The following VWA5B1 variants were observed in gnomAD, a reference collection of about 807,000 sequenced individuals.
VWA5B1 encodes the protein von Willebrand factor A domain containing 5B1.
In VWA5B1, 115 loss-of-function variants were observed where a neutral mutation model predicts 118.2. That is an observed-to-expected ratio of 0.97 (90% CI 0.84 to 1.14). The LOEUF (loss-of-function observed/expected upper bound fraction) is 1.14, where lower values mean the gene tolerates loss of function less well. Ranked by LOEUF, VWA5B1 falls within the 50% of genes most tolerant of loss-of-function variation. The probability of loss-of-function intolerance (pLI) is 0.00; values close to 1 mark genes in which losing one functional copy is unlikely to be tolerated. For synonymous variants in VWA5B1, 682 were observed against 658.4 expected (o/e 1.04, Z -0.55); for missense variants, 1,596 against 1,603.8 (o/e 1.00, Z 0.08).
At chr1:20,332,341 A>T (rs540298491) in intron 11 of VWA5B1, among the ~76,000 whole-genome samples, 1 of 151,952 alleles carries the variant, frequency 6.6e-6, no homozygotes, top group Non-Finnish European at 1.5e-5. Context: ...TTAGCTGGGC[A>T]TGATGGCGGG....
At chr1:20,332,479 C>CAAAATAAAATAAAATAAAAT (rs56767113) in intron 11 of VWA5B1, among the ~76,000 whole-genome samples, 1,584 of 88,750 alleles carry the variant, frequency 0.018, 51 homozygotes, top group Middle Eastern at 0.039. Flanking sequence ...GACTCTGTCT[C>CAAAATAAAATAAAATAAAAT]AAAATAAAAT....
chr1:20,298,934 C>T (rs1289714104), intron 1 of VWA5B1, among the ~76,000 whole-genome samples: 1 of 152,166 alleles, frequency 6.6e-6, no homozygotes, highest in Non-Finnish European at 1.5e-5. Context: ...TGCAGAGGCA[C>T]TGGAATGGAA....
chr1:20,308,716 A>G (rs1437005590), intron 1 of VWA5B1, among the ~76,000 whole-genome samples: 1 of 152,116 alleles, frequency 6.6e-6, no homozygotes, highest in African/African-American at 2.4e-5. Context: ...ATAAGCCCAG[A>G]GCTGTCTGGG....
At chr1:20,323,298 T>A in intron 7 of VWA5B1, 58 bp from the exon 8 acceptor site, 1 of 1,369,424 alleles carries the variant, frequency 7.3e-7, no homozygotes, top group Non-Finnish European at 9.5e-7. Context: ...CCAGCATGAG[T>A]CCCCAGGAGT....
chr1:20,333,303 G>A (rs530522243), intron 12 of VWA5B1, among the ~76,000 whole-genome samples: 72 of 152,216 alleles, frequency 4.7e-4, no homozygotes, highest in Admixed American at 2.0e-3. Flanking sequence ...GTGAAACCCC[G>A]TTCTCTACTA....
intron 5 of VWA5B1, 170 bp from the exon 6 acceptor site, chr1:20,318,420 A>T: frequency 2.3e-6 from 2 of 865,072 alleles, no homozygotes; most frequent in Non-Finnish European, 3.7e-6. Flanking sequence ...CTTTCATTTT[A>T]CAGGTGGGGA....
intron 2 of VWA5B1, 119 bp downstream of exon 2, chr1:20,310,859 C>G: frequency 7.5e-7 from 1 of 1,333,828 alleles, no homozygotes; most frequent in Non-Finnish European, 9.9e-7. Context: ...GAGTCTGTTT[C>G]CTCATCTATA....
intron 17 of VWA5B1, among the ~76,000 whole-genome samples, chr1:20,346,989 C>T (rs1028857747): frequency 1.3e-5 from 2 of 152,122 alleles, no homozygotes; most frequent in Admixed American, 6.6e-5. Flanking sequence ...CAGGGATGAG[C>T]GTCCCTCCCA....
At chr1:20,352,294 C>T in intron 21 of VWA5B1, 122 bp downstream of exon 21, 1 of 759,424 alleles carries the variant, frequency 1.3e-6, no homozygotes, top group South Asian at 2.0e-5. Context: ...TCTTAGAGCT[C>T]AGATCCCCTG....
Position 20,343,124 on chromosome 1 carries a change from A to C in VWA5B1, c.2357A>C (p.Asp786Ala). 1 of 1,542,776 alleles carries C rather than the reference A, an allele frequency of 6.5e-7. No homozygotes were observed. ...PSAFETETSSDWDPPAESQER... is the reference protein window; with the variant it reads ...PSAFETETSSAWDPPAESQER... ...GCCTTCGAGACAGAGACGTCCTCGGACTGGGACCCCCCAGCCGAGTCCCAG... is the reference window on the plus strand; with the variant it reads ...GCCTTCGAGACAGAGACGTCCTCGGCCTGGGACCCCCCAGCCGAGTCCCAG... The change falls in exon 16 of 22, where the codon GAC (aspartate) becomes GCC (alanine). Residue 786 changes from aspartate (D) to alanine (A), a missense_variant. Coordinates refer to ENST00000289815, the MANE Select transcript of VWA5B1 (RefSeq NM_001039500.3).
In VWA5B1 at chr1:20,351,981, C is replaced by T. The variant is rs952789214; in HGVS notation, c.3024-74C>T. 1.1e-5 allele frequency: 13 copies of T among 1,208,264 alleles called. No homozygotes were observed. In the African/African-American group the frequency reaches 1.4e-4, roughly 13 times the overall value. The allele number at this position is 1,208,264 out of a possible 1,614,324, so 74.8% of individuals were successfully genotyped here. On this transcript the variant is annotated intron_variant, in intron 20 of 21. Transcript: ENST00000289815. ...GAGCCATCTATTGCATTCCTTCTGA[C>T]CCTGACTTTCAGGGGCTTCTGGGTG...
intron 1 of VWA5B1, chr1:20,302,954 C>G (rs1338635821): frequency 6.6e-6 from 1 of 152,172 alleles, no homozygotes; most frequent in Non-Finnish European, 1.5e-5. Context: ...GGATTTGTTA[C>G]CCGTGTTGGC....
At chr1:20,302,967 G>A (rs2088539740) in intron 1 of VWA5B1, 1 of 152,234 alleles carries the variant, frequency 6.6e-6, no homozygotes, top group South Asian at 2.1e-4. Flanking sequence ...GTGTTGGCTG[G>A]ATATAGGCCT....
chr1:20,319,290 C>T, intron 6 of VWA5B1, 92 bp from the exon 7 acceptor site: 2 of 1,503,324 alleles, frequency 1.3e-6, no homozygotes, highest in Non-Finnish European at 1.8e-6. Flanking sequence ...GGAGTCCCAC[C>T]CCTGTGAGAA....
chr1:20,320,840 C>T (rs1218329906), intron 7 of VWA5B1, among the ~76,000 whole-genome samples: 5 of 152,210 alleles, frequency 3.3e-5, no homozygotes, highest in African/African-American at 1.2e-4. Context: ...GGTGGCTTCT[C>T]TCACTGGCAG....
At chr1:20,328,211 C>T (rs530417186) in intron 9 of VWA5B1, among the ~76,000 whole-genome samples, 123 of 152,120 alleles carry the variant, frequency 8.1e-4, no homozygotes, top group Non-Finnish European at 2.9e-5. Context: ...CTGACATCCC[C>T]TCCTCTTTAG....
chr1:20,310,958 C>T (rs1365209074), intron 2 of VWA5B1, among the ~76,000 whole-genome samples: 1 of 152,192 alleles, frequency 6.6e-6, no homozygotes, highest in Non-Finnish European at 1.5e-5. Flanking sequence ...GATTCAGCCC[C>T]AGCCAACTGT....
intron 17 of VWA5B1, among the ~76,000 whole-genome samples, chr1:20,346,990 G>A (rs780752555): frequency 2.6e-5 from 4 of 152,172 alleles, no homozygotes; most frequent in East Asian, 1.9e-4. Flanking sequence ...AGGGATGAGC[G>A]TCCCTCCCAC....
At chr1:20,304,179 G>A (rs916733052) in intron 1 of VWA5B1, among the ~76,000 whole-genome samples, 2 of 152,174 alleles carry the variant, frequency 1.3e-5, no homozygotes, top group Non-Finnish European at 2.9e-5. Context: ...GCAGATGAGT[G>A]GTTACAGTGC....
Sources: allele counts gnomAD v4.1 joint callset (sites outside exome capture counted in the v4.1 genomes callset), GRCh38; gene constraint gnomAD v4.1.1; transcripts MANE v1.5; gene names NCBI Gene and HGNC (gene_info 2026-07-23, HGNC 2026-07-21).